Variants in TRIM36 observed in about 807,000 individuals in gnomAD.
TRIM36 encodes tripartite motif containing 36.
Under a neutral mutation model 72.4 loss-of-function variants are expected in TRIM36, and 42 were observed. That is an observed-to-expected ratio of 0.58 (90% CI 0.45 to 0.75). The LOEUF (loss-of-function observed/expected upper bound fraction) is 0.75. Among genes scored for constraint, TRIM36 ranks in the 30% least tolerant of loss-of-function variants. The probability of loss-of-function intolerance (pLI) is 0.00; values close to 1 mark genes in which losing one functional copy is unlikely to be tolerated. For synonymous variants in TRIM36, 315 were observed against 282.8 expected (o/e 1.11, Z -1.14); for missense variants, 913 against 857.1 (o/e 1.07, Z -0.81).
intron 1 of TRIM36, among the ~76,000 whole-genome samples, chr5:115,168,799 T>C (rs150214468): frequency 9.1e-4 from 138 of 152,370 alleles, no homozygotes; most frequent in Non-Finnish European, 1.8e-3. Context: ...GAAAATCTTG[T>C]CCGGGATATC....
At chr5:115,155,594 G>C (rs1251629278) in intron 2 of TRIM36, among the ~76,000 whole-genome samples, 2 of 152,132 alleles carry the variant, frequency 1.3e-5, no homozygotes, top group African/African-American at 4.8e-5. Context: ...TGCTAAAAAA[G>C]CATTTGACAA....
intron 1 of TRIM36, among the ~76,000 whole-genome samples, chr5:115,175,692 TAA>T (rs749546574): frequency 6.7e-6 from 1 of 149,064 alleles, no homozygotes; most frequent in Non-Finnish European, 1.5e-5. Flanking sequence ...TAAAAAAAAA[TAA>T]GAGGAAAATT....
chr5:115,146,775 T>A (rs1022570442), intron 3 of TRIM36, among the ~76,000 whole-genome samples: 7 of 152,194 alleles, frequency 4.6e-5, no homozygotes, highest in Non-Finnish European at 1.0e-4. Context: ...AAAGAGTATA[T>A]CTGAGATAAC....
intron 9 of TRIM36, among the ~76,000 whole-genome samples, 186 bp downstream of exon 9, chr5:115,130,406 A>G (rs1752611416): frequency 6.6e-6 from 1 of 152,228 alleles, no homozygotes; most frequent in Non-Finnish European, 1.5e-5. Flanking sequence ...TTAAAAAGTA[A>G]CTGCTAACTC....
rs1753638217 is a variant in TRIM36, at chr5:115,147,185, T to C, written c.472A>G (p.Ser158Gly). 6.2e-7 allele frequency: 1 copy of C among 1,614,110 alleles called. No individual in the cohort carries two copies. Among genetic ancestry groups the C allele is most frequent in the South Asian group, 1.1e-5 (1 of 91,088 alleles). ...CKPPPQESTKSCMDCSASYCN... is the reference protein window; with the variant it reads ...CKPPPQESTKGCMDCSASYCN... Reference sequence around the variant, plus strand: ...TAACTTGCACTACAGTCCATGCAGCTTTTTGTGGATTCTTGAGGTGGTGGT... The same window carrying C: ...TAACTTGCACTACAGTCCATGCAGCCTTTTGTGGATTCTTGAGGTGGTGGT... Residue 158 changes from serine (S) to glycine (G), a missense_variant, in exon 3 of 10, where the codon AGC (serine) becomes GGC (glycine). By Grantham distance (56) the Ser-to-Gly change is moderately conservative. Coordinates refer to ENST00000513154, the MANE Select transcript of TRIM36 (RefSeq NM_001300759.2).
chr5:115,178,744 T>G (rs990593296), intron 1 of TRIM36, among the ~76,000 whole-genome samples: 1 of 152,174 alleles, frequency 6.6e-6, no homozygotes, highest in African/African-American at 2.4e-5. Context: ...AAGACACAGC[T>G]TCACTTTCGA....
chr5:115,152,117 A>C (rs1445549160), intron 2 of TRIM36, among the ~76,000 whole-genome samples: 2 of 152,212 alleles, frequency 1.3e-5, no homozygotes, highest in African/African-American at 4.8e-5. Flanking sequence ...GCAATCCAAA[A>C]AATGATACAA....
At chr5:115,177,982 G>A (rs1436793476) in intron 1 of TRIM36, 3 of 1,129,138 alleles carry the variant, frequency 2.7e-6, no homozygotes, top group Non-Finnish European at 1.3e-6. Flanking sequence ...TGAACCCATT[G>A]GTATTCTGAG....
intron 7 of TRIM36, among the ~76,000 whole-genome samples, chr5:115,136,776 T>A (rs900115898): frequency 4.6e-5 from 7 of 152,252 alleles, no homozygotes; most frequent in Non-Finnish European, 8.8e-5. Flanking sequence ...AACATAATGC[T>A]ATTTATGCAA....
Position 115,141,262 on chromosome 5 carries a change from G to C in TRIM36, c.831+17C>G. The C allele has an allele frequency of 6.6e-7, 1 of 1,510,090 alleles. No homozygotes were observed. Among genetic ancestry groups the C allele is most frequent in the Non-Finnish European group, 9.1e-7 (1 of 1,103,592 alleles). 93.5% of individuals were successfully genotyped at this position (1,510,090 alleles called of 1,614,324 possible). ...AATAACAATAATTTAAAATATGCAA[G>C]CTAGTTTATCACTTACCTCTGTTTC... On this transcript the variant is annotated intron_variant, in intron 5 of 9. Transcript: ENST00000513154.
At chr5:115,170,014 C>G, upstream of TRIM36, 1 of 1,059,954 alleles carries the variant, frequency 9.4e-7, no homozygotes. Context: ...ACAAAAGAGG[C>G]GGGGCCGCCT....
chr5:115,168,877 G>T (rs915448549), intron 1 of TRIM36: 2 of 152,194 alleles, frequency 1.3e-5, no homozygotes, highest in African/African-American at 4.8e-5. Flanking sequence ...GTCACTGGGG[G>T]AGGATCTAAA....
intron 8 of TRIM36, 118 bp downstream of exon 8, chr5:115,133,742 C>T: frequency 3.8e-6 from 4 of 1,043,794 alleles, no homozygotes; most frequent in Non-Finnish European, 5.2e-6. Flanking sequence ...TTTCTGGAGT[C>T]TTTTAAAAAC....
chr5:115,171,005 C>A (rs80222897), upstream of TRIM36: 1,024 of 1,545,682 alleles, frequency 6.6e-4, 4 homozygotes, highest in African/African-American at 0.012. Context: ...GCCTTTCTGG[C>A]TAGCTAAACA....
chr5:115,149,766 T>TC (rs1380497152), intron 2 of TRIM36: 1 of 151,832 alleles, frequency 6.6e-6, no homozygotes, highest in East Asian at 1.9e-4. Flanking sequence ...TCTTGAAAGC[T>TC]CTTTTTTTTT....
At chr5:115,169,915 G>C, upstream of TRIM36, 1 of 1,285,874 alleles carries the variant, frequency 7.8e-7, no homozygotes, top group South Asian at 2.2e-5. Context: ...CTGCGGCTGG[G>C]AACGGCGCCG....
rs1001592623 is a variant in TRIM36 at position 115,125,889 on chromosome 5, G to C, written c.*614C>G. On this transcript the variant is annotated 3_prime_UTR_variant, in exon 10 of 10. Coordinates refer to ENST00000513154, the MANE Select transcript of TRIM36 (RefSeq NM_001300759.2). ...AAATGTCCTTAGCAATACAGTTTGTGGTCTTAACAAAACAAAACAGTAGTA... is the reference window on the plus strand; with the variant it reads ...AAATGTCCTTAGCAATACAGTTTGTCGTCTTAACAAAACAAAACAGTAGTA... 2.6e-5 allele frequency: 4 copies of C among 151,976 alleles called. No individual in the cohort carries two copies. The highest frequency in any genetic ancestry group is 5.9e-5 in the Non-Finnish European group (4 of 67,976). 9.4% of individuals were successfully genotyped at this position (151,976 alleles called of 1,614,324 possible).
chr5:115,141,604 G>A (rs114571499), intron 4 of TRIM36, among the ~76,000 whole-genome samples: 1,957 of 152,144 alleles, frequency 0.013, 39 homozygotes, highest in African/African-American at 0.045. Flanking sequence ...AAAAGAACAA[G>A]GTAATAATGG....
At chr5:115,149,971 G>C (rs892143379) in intron 2 of TRIM36, among the ~76,000 whole-genome samples, 3 of 152,154 alleles carry the variant, frequency 2.0e-5, no homozygotes, top group Non-Finnish European at 4.4e-5. Context: ...ATGTTAGCCA[G>C]GATGGTCTCG....
Sources: gnomAD v4.1 joint callset for allele counts (sites outside exome capture counted in the v4.1 genomes callset) on GRCh38, gnomAD v4.1.1 for gene constraint, MANE v1.5 for transcripts, NCBI Gene and HGNC (gene_info 2026-07-23, HGNC 2026-07-21) for gene names.